DLG2: variants seen among roughly 807,000 people sequenced by gnomAD.
DLG2 encodes discs large MAGUK scaffold protein 2, also known as disks large homolog 2.
Under a neutral mutation model 132.5 loss-of-function variants are expected in DLG2, and 45 were observed. That is an observed-to-expected ratio of 0.34 (90% CI 0.27 to 0.44). DLG2 has a LOEUF of 0.44. Ranked by LOEUF, DLG2 falls within the 20% of genes least tolerant of loss-of-function variation. The probability of loss-of-function intolerance (pLI) is 1.00; values close to 1 mark genes in which losing one functional copy is unlikely to be tolerated. For missense variants in DLG2, 1,045 were observed against 1,196.9 expected (o/e 0.87, Z 1.87); for synonymous variants, 424 against 419.6 (o/e 1.01, Z -0.13).
intron 17 of DLG2, 66 bp from the exon 18 acceptor site, chr11:83,786,858 A>T (rs2040064319): frequency 2.1e-6 from 3 of 1,448,378 alleles, no homozygotes. Flanking sequence ...AGAAGAAAAA[A>T]GTTTCCCAAA....
intron 8 of DLG2, among the ~76,000 whole-genome samples, chr11:84,246,358 A>G (rs1358560241): frequency 6.6e-6 from 1 of 152,096 alleles, no homozygotes; most frequent in Non-Finnish European, 1.5e-5. Flanking sequence ...CCTGCCCTTT[A>G]TTCACTTATT....
intron 16 of DLG2, among the ~76,000 whole-genome samples, chr11:83,866,072 C>T (rs1378508119): frequency 6.6e-6 from 1 of 151,422 alleles, no homozygotes; most frequent in Non-Finnish European, 1.5e-5. Flanking sequence ...GCATCACAGT[C>T]CCCCCTTTTT....
At chr11:83,666,299 G>A (rs527494871) in intron 18 of DLG2, among the ~76,000 whole-genome samples, 59 of 152,134 alleles carry the variant, frequency 3.9e-4, no homozygotes, top group Non-Finnish European at 8.1e-4. Flanking sequence ...CCCCCAGTCC[G>A]CAGACTGGTA....
At chr11:83,696,740 G>T (rs181538528) in intron 18 of DLG2, among the ~76,000 whole-genome samples, 2 of 152,266 alleles carry the variant, frequency 1.3e-5, no homozygotes, top group African/African-American at 4.8e-5. Context: ...ATGACTATGT[G>T]CAGAGTATTG....
intron 6 of DLG2, among the ~76,000 whole-genome samples, chr11:84,967,359 T>C (rs1330496965): frequency 6.6e-6 from 1 of 151,900 alleles, no homozygotes; most frequent in East Asian, 1.9e-4. Context: ...CCTAGAAAGG[T>C]CAAAAAGGCT....
At chr11:84,656,088 A>C (rs2099687898) in intron 6 of DLG2, among the ~76,000 whole-genome samples, 1 of 152,170 alleles carries the variant, frequency 6.6e-6, no homozygotes, top group African/African-American at 2.4e-5. Flanking sequence ...AGACACCATT[A>C]ACAACAAACC....
At chr11:84,499,821 A>C (rs537524023) in intron 7 of DLG2, among the ~76,000 whole-genome samples, 1 of 152,148 alleles carries the variant, frequency 6.6e-6, no homozygotes, top group East Asian at 1.9e-4. Context: ...CTTAATTTTA[A>C]ATTATATCTG....
intron 8 of DLG2, among the ~76,000 whole-genome samples, chr11:84,197,084 A>C (rs1305732701): frequency 3.3e-5 from 5 of 151,624 alleles, no homozygotes; most frequent in Non-Finnish European, 5.9e-5. Context: ...AAACGAAAGA[A>C]AGAAATTGAA....
chr11:83,739,442 A>C (rs1175557347), intron 18 of DLG2, among the ~76,000 whole-genome samples: 1 of 152,200 alleles, frequency 6.6e-6, no homozygotes, highest in Non-Finnish European at 1.5e-5. Flanking sequence ...CATAAAGAAA[A>C]ATATGCATTG....
At chr11:85,065,338 T>A (rs890419291) in intron 6 of DLG2, among the ~76,000 whole-genome samples, 2 of 151,492 alleles carry the variant, frequency 1.3e-5, no homozygotes, top group African/African-American at 2.4e-5. Flanking sequence ...CTCCTTTTTT[T>A]TAAAACCCCT....
chr11:84,385,429 A>T (rs1227695276), intron 7 of DLG2, among the ~76,000 whole-genome samples: 3 of 152,106 alleles, frequency 2.0e-5, no homozygotes, highest in Non-Finnish European at 4.4e-5. Flanking sequence ...CTTCCTCTGA[A>T]ATGTAGTTTT....
At chr11:84,952,708 G>C (rs1434358459) in intron 6 of DLG2, among the ~76,000 whole-genome samples, 1 of 152,050 alleles carries the variant, frequency 6.6e-6, no homozygotes, top group Non-Finnish European at 1.5e-5. Flanking sequence ...AAAAAAGAAT[G>C]TAATATTTAA....
chr11:84,830,747 T>C (rs996626180), intron 6 of DLG2, among the ~76,000 whole-genome samples: 2 of 151,578 alleles, frequency 1.3e-5, no homozygotes, highest in Admixed American at 6.6e-5. Flanking sequence ...TTAGTACATA[T>C]GTAGATTCCT....
chr11:85,415,576 A>G (rs116743705), intron 3 of DLG2, among the ~76,000 whole-genome samples: 3 of 152,064 alleles, frequency 2.0e-5, no homozygotes, highest in Non-Finnish European at 4.4e-5. Flanking sequence ...ATGGTTTCTC[A>G]TTGCGATTTT....
intron 18 of DLG2, among the ~76,000 whole-genome samples, chr11:83,724,518 A>T (rs2089579578): frequency 6.8e-6 from 1 of 147,124 alleles, no homozygotes; most frequent in African/African-American, 2.6e-5. Flanking sequence ...AGAGAGAGAG[A>T]GAGAATATCA....
At chr11:84,719,496 TTA>T (rs1480101171) in intron 6 of DLG2, among the ~76,000 whole-genome samples, 1 of 152,198 alleles carries the variant, frequency 6.6e-6, no homozygotes, top group Non-Finnish European at 1.5e-5. Flanking sequence ...ACTCAGGCCA[TTA>T]ATGGGCTAAA....
chr11:84,268,304 C>G (rs1028112265), intron 7 of DLG2, among the ~76,000 whole-genome samples: 2 of 152,056 alleles, frequency 1.3e-5, no homozygotes, highest in African/African-American at 4.8e-5. Flanking sequence ...AATTGCTGCT[C>G]CTAATCACAC....
intron 3 of DLG2, among the ~76,000 whole-genome samples, chr11:85,516,880 T>C (rs1212263384): frequency 6.6e-6 from 1 of 151,782 alleles, no homozygotes; most frequent in East Asian, 1.9e-4. Context: ...ACTGAAACTG[T>C]TCCAAAAAAT....
At chr11:84,686,569 T>G (rs538316827) in intron 6 of DLG2, among the ~76,000 whole-genome samples, 45 of 151,986 alleles carry the variant, frequency 3.0e-4, no homozygotes, top group Non-Finnish European at 3.7e-4. Flanking sequence ...AACTAAGTGA[T>G]TAGGCAATTG....
Sources: gnomAD v4.1 joint callset for allele counts (sites outside exome capture counted in the v4.1 genomes callset) on GRCh38, gnomAD v4.1.1 for gene constraint, MANE v1.5 for transcripts, NCBI Gene and HGNC (gene_info 2026-07-23, HGNC 2026-07-21) for gene names.